The following DAB1 variants were observed in gnomAD, a reference collection of about 807,000 sequenced individuals.
DAB1 encodes DAB adaptor protein 1.
A neutral mutation model predicts 64.6 loss-of-function variants in DAB1; 15 were observed. That is an observed-to-expected ratio of 0.23 (90% CI 0.16 to 0.36). The LOEUF (loss-of-function observed/expected upper bound fraction) is 0.36, where lower values mean the gene tolerates loss of function less well. Ranked by LOEUF, DAB1 falls within the 10% of genes least tolerant of loss-of-function variation. DAB1 has a pLI of 1.00. For missense variants in DAB1, 596 were observed against 706.7 expected (o/e 0.84, Z 1.78); for synonymous variants, 235 against 251.9 (o/e 0.93, Z 0.64).
intron 2 of DAB1, among the ~76,000 whole-genome samples, chr1:57,262,612 G>C (rs1334985456): frequency 6.6e-6 from 1 of 152,220 alleles, no homozygotes; most frequent in Admixed American, 6.5e-5. Flanking sequence ...TTATCACCCG[G>C]AGTTCTTTGT....
chr1:57,427,152 C>T (rs961535740), upstream of DAB1, among the ~76,000 whole-genome samples: 2 of 152,194 alleles, frequency 1.3e-5, no homozygotes, highest in Non-Finnish European at 2.9e-5. Context: ...CGTGAGCCAC[C>T]ACGCCCGGCC....
At chr1:57,669,222 G>A (rs1398312149) in intron 6 of DAB1, among the ~76,000 whole-genome samples, 1 of 152,102 alleles carries the variant, frequency 6.6e-6, no homozygotes, top group African/African-American at 2.4e-5. Context: ...GATGAGACAG[G>A]AAGAGAGAGT....
intron 4 of DAB1, among the ~76,000 whole-genome samples, chr1:58,292,959 C>T (rs759626584): frequency 4.6e-5 from 7 of 151,900 alleles, no homozygotes; most frequent in Admixed American, 2.0e-4. Flanking sequence ...TCTATGCTTG[C>T]GAATGGTGAA....
intron 1 of DAB1, among the ~76,000 whole-genome samples, chr1:57,320,868 G>T (rs1675657253): frequency 2.0e-5 from 3 of 152,032 alleles, no homozygotes; most frequent in African/African-American, 7.2e-5. Context: ...TAAATAAATT[G>T]CCCCAGGTTA....
At chr1:58,122,343 T>G (rs559361910) in intron 5 of DAB1, among the ~76,000 whole-genome samples, 7 of 152,314 alleles carry the variant, frequency 4.6e-5, no homozygotes, top group Non-Finnish European at 1.0e-4. Flanking sequence ...CCTGCTAATT[T>G]GCTGTCTCAA....
At chr1:57,000,041 T>TC (rs1491246120) in intron 14 of DAB1, among the ~76,000 whole-genome samples, 1 of 57,676 alleles carries the variant, frequency 1.7e-5, no homozygotes, top group Non-Finnish European at 4.0e-5. Context: ...TCCTTCTGCC[T>TC]TTTTTTTTTT....
At chr1:58,023,827 A>G (rs976550422) in intron 5 of DAB1, among the ~76,000 whole-genome samples, 3 of 152,200 alleles carry the variant, frequency 2.0e-5, no homozygotes, top group Non-Finnish European at 4.4e-5. Context: ...AGAGGTGGTA[A>G]ACGTGGTCCT....
chr1:58,138,131 T>C (rs983334504), intron 5 of DAB1, among the ~76,000 whole-genome samples: 6 of 152,242 alleles, frequency 3.9e-5, no homozygotes, highest in Admixed American at 3.3e-4. Context: ...GCACTAGCTA[T>C]GCATTTTCAT....
chr1:57,340,058 C>T (rs1040577510), intron 1 of DAB1, among the ~76,000 whole-genome samples: 3 of 152,028 alleles, frequency 2.0e-5, no homozygotes, highest in African/African-American at 7.3e-5. Flanking sequence ...TGGAAGATGC[C>T]AGGGAGCAGA....
chr1:58,276,068 A>G (rs1209288918), intron 4 of DAB1, among the ~76,000 whole-genome samples: 1 of 152,236 alleles, frequency 6.6e-6, no homozygotes, highest in Admixed American at 6.5e-5. Context: ...ACAAAAAGAC[A>G]AATACTATAT....
chr1:57,727,494 G>C (rs12129336), intron 6 of DAB1, among the ~76,000 whole-genome samples: 9,065 of 152,186 alleles, frequency 0.06, 309 homozygotes, highest in Admixed American at 0.085. Context: ...GCAATCACAG[G>C]TAGGCCAGGC....
At chr1:58,181,615 T>C (rs1465553322) in intron 4 of DAB1, among the ~76,000 whole-genome samples, 1 of 152,102 alleles carries the variant, frequency 6.6e-6, no homozygotes, top group African/African-American at 2.4e-5. Flanking sequence ...TCTTAATAAA[T>C]TTTCCAGAGA....
intron 4 of DAB1, among the ~76,000 whole-genome samples, chr1:58,211,945 A>C (rs1472285039): frequency 6.6e-6 from 1 of 152,108 alleles, no homozygotes; most frequent in African/African-American, 2.4e-5. Context: ...GGAGTGCACA[A>C]TCCTGGCATT....
chr1:57,390,220 A>G (rs1682230176), intron 1 of DAB1, among the ~76,000 whole-genome samples: 1 of 151,390 alleles, frequency 6.6e-6, no homozygotes, highest in South Asian at 2.1e-4. Flanking sequence ...GGATGAAAAG[A>G]ATATGGAATT....
intron 6 of DAB1, among the ~76,000 whole-genome samples, chr1:57,659,416 C>G (rs1354086081): frequency 1.3e-5 from 2 of 152,128 alleles, no homozygotes; most frequent in African/African-American, 4.8e-5. Context: ...AATGTTAACG[C>G]AAGGAAAGCA....
chr1:58,176,104 G>A (rs1656459358), intron 4 of DAB1, among the ~76,000 whole-genome samples: 1 of 152,168 alleles, frequency 6.6e-6, no homozygotes, highest in Non-Finnish European at 1.5e-5. Flanking sequence ...CATATAATCT[G>A]ACCTCCATGT....
At chr1:57,388,275 A>G (rs886827387) in intron 1 of DAB1, among the ~76,000 whole-genome samples, 4 of 152,070 alleles carry the variant, frequency 2.6e-5, no homozygotes, top group Non-Finnish European at 5.9e-5. Flanking sequence ...TCCCTATATG[A>G]TTCTTCTATT....
intron 4 of DAB1, among the ~76,000 whole-genome samples, chr1:58,190,095 G>A (rs1284272902): frequency 6.6e-6 from 1 of 152,118 alleles, no homozygotes; most frequent in African/African-American, 2.4e-5. Flanking sequence ...AGAACATCTG[G>A]GAGTGGGGCA....
chr1:58,368,277 T>G (rs868322138), intron 3 of DAB1, among the ~76,000 whole-genome samples: 8 of 152,170 alleles, frequency 5.3e-5, no homozygotes, highest in Admixed American at 1.3e-4. Context: ...CTGGGACATC[T>G]CTTAGTACTT....
Sources: allele counts gnomAD v4.1 joint callset (sites outside exome capture counted in the v4.1 genomes callset), GRCh38; gene constraint gnomAD v4.1.1; transcripts MANE v1.5; gene names NCBI Gene and HGNC (gene_info 2026-07-23, HGNC 2026-07-21).